The following PLPPR3 variants were observed in gnomAD, a reference collection of about 807,000 sequenced individuals.
PLPPR3 encodes phospholipid phosphatase related 3, also known as phospholipid phosphatase-related protein type 3.
A neutral mutation model predicts 27.3 loss-of-function variants in PLPPR3; 14 were observed. The observed-to-expected ratio is 0.51, with a 90% CI of 0.34 to 0.80. The LOEUF is 0.80. Among genes scored for constraint, PLPPR3 ranks in the 30% least tolerant of loss-of-function variants. The pLI, the probability that PLPPR3 is intolerant of heterozygous loss-of-function variation, is 0.01. For missense variants in PLPPR3, 1,287 were observed against 1,056.9 expected, an observed-to-expected ratio of 1.22 and a Z score of -3.02; for synonymous variants, 671 against 508.0, an observed-to-expected ratio of 1.32 and a Z score of -4.32.
In PLPPR3 at chr19:813,359, T is replaced by G. The variant is rs2034978544; in HGVS notation, c.1368A>C (p.Glu456Asp). The G allele has an allele frequency of 2.0e-6, 3 of 1,485,280 alleles. No homozygotes were observed. The African/African-American group carries it at 4.3e-5, about 21-fold the overall frequency. The allele number at this position is 1,485,280 out of a possible 1,614,324, so 92.0% of individuals were successfully genotyped here. Reference protein sequence around the residue: ...EEDEEEEEEEEEEEDEGPAPP... With the variant: ...EEDEEEEEEEDEEEDEGPAPP... Reference sequence around the variant, plus strand: ...GGGCCGGGCCCTCGTCCTCCTCCTCTTCCTCCTCCTCCTCTTCCTCTTCGT... The same window carrying G: ...GGGCCGGGCCCTCGTCCTCCTCCTCGTCCTCCTCCTCCTCTTCCTCTTCGT... Residue 456 changes from glutamate to aspartate, a missense_variant, in exon 8 of 8, where the codon GAA becomes GAC. Physicochemically the swap from Glu to Asp is conservative, Grantham distance 45 (BLOSUM62 2). Coordinates refer to ENST00000520876, the MANE Select transcript of PLPPR3 (RefSeq NM_001270366.2). The surrounding 1 kb of genome is among the most constrained non-coding windows in gnomAD (Gnocchi z 4.1).
At position 815,176 on chromosome 19, in the gene PLPPR3, C is replaced by T. The variant is rs756500450; in HGVS notation, c.403+10G>A. 27 of 1,602,850 alleles carry T rather than the reference C, an allele frequency of 1.7e-5. No homozygotes were observed. The highest frequency in any genetic ancestry group is 2.2e-5 in the East Asian group (1 of 44,696). On this transcript the variant is annotated intron_variant, in intron 4 of 7. Transcript: ENST00000520876. ...GGTAGCTCAGGGTCGGGGCGCGTCCCGCAACTCACCCACAAACCGCACCGT... is the reference window on the plus strand; with the variant it reads ...GGTAGCTCAGGGTCGGGGCGCGTCCTGCAACTCACCCACAAACCGCACCGT...
chr19:822,339 G>A (rs1254036359), upstream of PLPPR3, among the ~76,000 whole-genome samples: 1 of 151,192 alleles, frequency 6.6e-6, no homozygotes. Flanking sequence ...CTGTCTCCGT[G>A]TCTCTCACGG....
chr19:822,917 G>A (rs190495672), upstream of PLPPR3, among the ~76,000 whole-genome samples: 1,866 of 150,648 alleles, frequency 0.012, 40 homozygotes, highest in African/African-American at 0.043. Context: ...GCAGGAGTTC[G>A]AGACCAGCCT....
chr19:818,398 TAAATA>T (rs1391766829), intron 2 of PLPPR3, among the ~76,000 whole-genome samples: 1 of 151,230 alleles, frequency 6.6e-6, no homozygotes, highest in East Asian at 1.9e-4. Flanking sequence ...ATAATAATAA[TAAATA>T]AAATAATAAT....
At chr19:823,446 A>AAAAAACAAAAC (rs1555703847), upstream of PLPPR3, among the ~76,000 whole-genome samples, 6 of 84,268 alleles carry the variant, frequency 7.1e-5, no homozygotes, top group South Asian at 2.8e-4. Context: ...TATCTCAAAA[A>AAAAAACAAAAC]AAAAAAAAAA....
chr19:818,804 ATGACAGGCG>A (rs2035102590), intron 2 of PLPPR3, among the ~76,000 whole-genome samples: 1 of 151,944 alleles, frequency 6.6e-6, no homozygotes, highest in Admixed American at 6.6e-5. Flanking sequence ...AAGTGCTGGG[ATGACAGGCG>A]TGAGCCACCA....
upstream of PLPPR3, among the ~76,000 whole-genome samples, chr19:822,438 A>T (rs1382812522): frequency 6.6e-6 from 1 of 151,590 alleles, no homozygotes. Flanking sequence ...TTCCATGGCG[A>T]GGCTCCCAGG....
chr19:812,541 G>GGCCCCCCCCCCCCCCCCCCCC lies in PLPPR3; in HGVS notation c.*28_*29insGGGGGGGGGGGGGGGGGGGGC. On this transcript the variant is annotated 3_prime_UTR_variant, in exon 8 of 8. Transcript: ENST00000520876. ...GCGCGGCCGCCCGCGCCCTCGGCCC[G>GGCCCCCCCCCCCCCCCCCCCC]CCCCCCGCCCGCCCCCGGCCCCGCC... The GGCCCCCCCCCCCCCCCCCCCC allele has an allele frequency of 1.6e-6, 1 of 617,396 alleles. No homozygotes were observed. The highest frequency in any genetic ancestry group is 2.0e-6 in the Non-Finnish European group (1 of 496,530). 38.2% of individuals were successfully genotyped at this position (617,396 alleles called of 1,614,324 possible). A position where few individuals can be genotyped will look rare whatever the true frequency, so the allele number is the denominator to read the frequency against.
Position 813,443 on chromosome 19 carries a change from G to A in PLPPR3, c.1284C>T (p.Ser428=), listed in dbSNP as rs1376589434. Residue 428 remains serine (S), a synonymous_variant, in exon 8 of 8, where the codon AGC becomes AGT. Transcript: ENST00000520876. This position sits in a 1 kb window ranked among gnomAD's most constrained non-coding sequence, Gnocchi z 4.1. ...CGGCGGGCGCGCGCAGGTGCCCGGG[G>A]CTGGCGTCGTCGGGCAGCCCCAGGC... ...GRGLGLPDDA[S]PGHLRAPAEP... is the part of the protein sequence containing the mutation. 9 of 1,526,586 alleles carry A rather than the reference G, an allele frequency of 5.9e-6. No individual in the cohort carries two copies. In the Admixed American group the frequency reaches 1.0e-4, roughly 17 times the overall value. 94.6% of individuals were successfully genotyped at this position (1,526,586 alleles called of 1,614,324 possible). A position where few individuals can be genotyped will look rare whatever the true frequency, so the allele number is the denominator to read the frequency against.
chr19:812,976 T>C lies in PLPPR3; in HGVS notation c.1751A>G (p.Asp584Gly). The change falls in exon 8 of 8, where the codon GAC becomes GGC. Residue 584 changes from aspartate (D) to glycine (G), a missense_variant. Transcript: ENST00000520876. Reference protein sequence around the residue: ...DRDSASIVTIDAHAPHHPVVH... With the variant: ...DRDSASIVTIGAHAPHHPVVH... ...CACGGGGTGGTGCGGCGCGTGCGCG[T>C]CGATGGTCACGATGCTGGCGGAGTC... The C allele has an allele frequency of 6.7e-7, 1 of 1,495,382 alleles. No individual in the cohort carries two copies. Among genetic ancestry groups the C allele is most frequent in the African/African-American group, 1.5e-5 (1 of 68,334 alleles). 92.6% of individuals were successfully genotyped at this position (1,495,382 alleles called of 1,614,324 possible). A position where few individuals can be genotyped will look rare whatever the true frequency, so the allele number is the denominator to read the frequency against.
intron 2 of PLPPR3, among the ~76,000 whole-genome samples, chr19:816,943 CCTATCCATCCACCCATCCAT>C (rs1409370431): frequency 6.0e-5 from 9 of 149,162 alleles, no homozygotes; most frequent in African/African-American, 2.0e-4. Flanking sequence ...CACCCATCCA[CCTATCCATCCACCCATCCAT>C]CCATTGATCA....
At chr19:815,942 C>T in intron 2 of PLPPR3, 91 bp from the exon 3 acceptor site, 1 of 1,338,780 alleles carries the variant, frequency 7.5e-7, no homozygotes. Flanking sequence ...TCCACCGTCT[C>T]ACTCACCTAT....
chr19:821,415 A>G, intron 2 of PLPPR3, 70 bp downstream of exon 2: 1 of 1,388,100 alleles, frequency 7.2e-7, no homozygotes, highest in Admixed American at 2.6e-5. Context: ...CCGGTCCCCC[A>G]GCGCGGGGGT....
At chr19:823,450 A>AAACAAAAAAAAAAC (rs1555703874), upstream of PLPPR3, among the ~76,000 whole-genome samples, 2 of 143,836 alleles carry the variant, frequency 1.4e-5, no homozygotes, top group African/African-American at 5.1e-5. Context: ...TCAAAAAAAA[A>AAACAAAAAAAAAAC]AAAAAAAACA....
In PLPPR3 at chr19:815,907, C is replaced by T. The variant is rs1038827083; in HGVS notation, c.76-56G>A. 4.5e-6 allele frequency: 7 copies of T among 1,557,964 alleles called. No homozygotes were observed. The Admixed American group carries it at 5.4e-5, about 12-fold the overall frequency. The stretch of plus-strand genomic sequence containing the variant: ...TGCTCTCCCTCGCGGAGGCGTCTGT[C>T]CAGCCCTCCATGAATTCAGGGCCAT... On this transcript the variant is annotated intron_variant, in intron 2 of 7. Coordinates refer to ENST00000520876, the MANE Select transcript of PLPPR3 (RefSeq NM_001270366.2).
chr19:812,541 G>GGGCCCCCCCCC lies in PLPPR3; in HGVS notation c.*28_*29insGGGGGGGGGCC. On this transcript the variant is annotated 3_prime_UTR_variant, in exon 8 of 8. Transcript: ENST00000520876. ...GCGCGGCCGCCCGCGCCCTCGGCCC[G>GGGCCCCCCCCC]CCCCCCGCCCGCCCCCGGCCCCGCC... The GGGCCCCCCCCC allele has an allele frequency of 3.2e-6, 2 of 617,396 alleles. No homozygotes were observed. The highest frequency in any genetic ancestry group is 4.0e-6 in the Non-Finnish European group (2 of 496,530). 38.2% of individuals were successfully genotyped at this position (617,396 alleles called of 1,614,324 possible).
Position 812,657 on chromosome 19 carries a change from C to A in PLPPR3, c.2070G>T (p.Ala690=). The change falls in exon 8 of 8, where the codon GCG becomes GCT. Residue 690 remains alanine, a synonymous_variant. Transcript: ENST00000520876. The part of the protein sequence containing the change: ...GSRESTLRRH[A]GGLGLAEREA... ...CGCGCTCCGCCAGCCCCAGGCCGCC[C>A]GCGTGGCGCCGCAGCGTGGACTCCC... 1.9e-6 allele frequency: 2 copies of A among 1,074,686 alleles called. No homozygotes were observed. The highest frequency in any genetic ancestry group is 2.3e-6 in the Non-Finnish European group (2 of 884,098). 66.6% of individuals were successfully genotyped at this position (1,074,686 alleles called of 1,614,324 possible).
chr19:818,888 G>A (rs1402655311), intron 2 of PLPPR3, among the ~76,000 whole-genome samples: 2 of 151,212 alleles, frequency 1.3e-5, no homozygotes, highest in Non-Finnish European at 2.9e-5. Flanking sequence ...TGAACTCCAG[G>A]CCTCAAGTGA....
At chr19:820,254 A>C (rs2035124767) in intron 2 of PLPPR3, among the ~76,000 whole-genome samples, 1 of 149,994 alleles carries the variant, frequency 6.7e-6, no homozygotes, top group Admixed American at 6.6e-5. Context: ...TGTGATCACA[A>C]CTCACTACAG....
Sources: allele counts gnomAD v4.1 joint callset (sites outside exome capture counted in the v4.1 genomes callset), GRCh38; gene constraint gnomAD v4.1.1; non-coding constraint Gnocchi (gnomAD v3.1); transcripts MANE v1.5; gene names NCBI Gene and HGNC (gene_info 2026-07-23, HGNC 2026-07-21).